IGF2BP3: variants seen among roughly 807,000 people sequenced by gnomAD.
IGF2BP3 encodes the protein insulin like growth factor 2 mRNA binding protein 3.
Under a neutral mutation model 73.8 loss-of-function variants are expected in IGF2BP3, and 9 were observed. The ratio of observed to expected loss-of-function variants is 0.12; its 90% CI spans 0.07 to 0.21. IGF2BP3 has a LOEUF of 0.21. Among genes scored for constraint, IGF2BP3 ranks in the 10% least tolerant of loss-of-function variants. The pLI, the probability that IGF2BP3 is intolerant of heterozygous loss-of-function variation, is 1.00. For synonymous variants in IGF2BP3, 258 were observed against 256.7 expected (o/e 1.01, Z -0.05); for missense variants, 542 against 714.0 (o/e 0.76, Z 2.75).
At position 23,428,401 on chromosome 7, in the gene IGF2BP3, G is replaced by C. The variant is rs374495033; in HGVS notation, c.237-9577C>G. 1.6e-4 allele frequency among the ~76,000 whole-genome samples: 24 copies of C among 152,070 alleles called. 1 individual carries two copies. The highest frequency in any genetic ancestry group is 9.8e-4 in the Admixed American group (15 of 15,252). ...GCAGGAGAATCGCTTGAACTCGGGA[G>C]GCGGAGGTTGTAGTGAGCTGAGATC... On this transcript the variant is annotated intron_variant, in intron 2 of 14. Transcript: ENST00000258729.
At chr7:23,411,112 T>A (rs192409787) in intron 3 of IGF2BP3, among the ~76,000 whole-genome samples, 142 of 152,254 alleles carry the variant, frequency 9.3e-4, no homozygotes, top group African/African-American at 3.2e-3. Flanking sequence ...AACTCCAAGC[T>A]GTCTGCTATA....
At chr7:23,426,482 G>C (rs1017029859) in intron 2 of IGF2BP3, among the ~76,000 whole-genome samples, 8 of 152,128 alleles carry the variant, frequency 5.3e-5, no homozygotes, top group Non-Finnish European at 1.0e-4. Context: ...TCAGTATTCA[G>C]ATAAGATCCA....
At chr7:23,368,326 GA>G (rs367956960) in intron 3 of IGF2BP3, among the ~76,000 whole-genome samples, 34 of 89,704 alleles carry the variant, frequency 3.8e-4, no homozygotes, top group African/African-American at 1.1e-3. Context: ...GAGAGAGAAA[GA>G]AAAGAAAGAA....
At chr7:23,378,122 T>TA (rs1298712011) in intron 3 of IGF2BP3, among the ~76,000 whole-genome samples, 1 of 152,118 alleles carries the variant, frequency 6.6e-6, no homozygotes, top group Non-Finnish European at 1.5e-5. Context: ...GTTCGATTTT[T>TA]AAAAAAATTA....
intron 7 of IGF2BP3, 41 bp from the exon 8 acceptor site, chr7:23,346,103 C>A: frequency 6.3e-7 from 1 of 1,580,026 alleles, no homozygotes; most frequent in Non-Finnish European, 8.6e-7. Flanking sequence ...AATAAGTAAA[C>A]CTATTCGTGG....
At chr7:23,314,193 T>C (rs1254355718) in intron 12 of IGF2BP3, among the ~76,000 whole-genome samples, 1 of 151,368 alleles carries the variant, frequency 6.6e-6, no homozygotes, top group Middle Eastern at 3.2e-3. Flanking sequence ...TATTTTTTTT[T>C]TTTTTTTGAG....
rs147526713 is a variant in IGF2BP3, at chr7:23,458,106, T to C, written c.236+10376A>G. On this transcript the variant is annotated intron_variant, in intron 2 of 14. Coordinates refer to ENST00000258729, the MANE Select transcript of IGF2BP3 (RefSeq NM_006547.3). Reference sequence around the variant, plus strand: ...CCATTGGAATGACTACTGGGTGACGTTGTATTCATCCTTTACACACATTGT... The same window carrying C: ...CCATTGGAATGACTACTGGGTGACGCTGTATTCATCCTTTACACACATTGT... Among the ~76,000 whole-genome samples, 266 of 152,310 alleles carry C rather than the reference T, an allele frequency of 1.7e-3. 1 individual carries two copies. Among genetic ancestry groups the C allele is most frequent in the African/African-American group, 5.8e-3 (243 of 41,560 alleles).
intron 11 of IGF2BP3, 94 bp from the exon 12 acceptor site, chr7:23,317,807 A>T: frequency 1.0e-6 from 1 of 1,002,146 alleles, no homozygotes; most frequent in South Asian, 1.3e-5. Context: ...TGACTGGCTG[A>T]AATGCAGAAT....
intron 10 of IGF2BP3, among the ~76,000 whole-genome samples, chr7:23,328,052 C>A (rs192146948): frequency 6.6e-6 from 1 of 152,134 alleles, no homozygotes; most frequent in Non-Finnish European, 1.5e-5. Flanking sequence ...GTCTCTTTGT[C>A]TCTCTAGACG....
At chr7:23,400,568 A>G (rs1001982049) in intron 3 of IGF2BP3, among the ~76,000 whole-genome samples, 6 of 152,222 alleles carry the variant, frequency 3.9e-5, no homozygotes, top group Non-Finnish European at 8.8e-5. Context: ...ATAAAAGCAC[A>G]TCCTTCAATC....
intron 2 of IGF2BP3, among the ~76,000 whole-genome samples, chr7:23,430,865 T>C (rs1408640105): frequency 6.6e-6 from 1 of 152,126 alleles, no homozygotes; most frequent in East Asian, 1.9e-4. Flanking sequence ...TGTCTGTAAA[T>C]AGGGAGAACT....
chr7:23,448,489 G>A (rs1169474655), intron 2 of IGF2BP3, among the ~76,000 whole-genome samples: 2 of 152,152 alleles, frequency 1.3e-5, no homozygotes, highest in East Asian at 3.8e-4. Context: ...GCTCACTGCA[G>A]CTCACTGGGC....
chr7:23,385,563 C>T (rs1786056445), intron 3 of IGF2BP3, among the ~76,000 whole-genome samples: 1 of 151,726 alleles, frequency 6.6e-6, no homozygotes, highest in Non-Finnish European at 1.5e-5. Context: ...ATGAAGTCAG[C>T]CAACCTAAAC....
chr7:23,364,807 G>C (rs1250254807), intron 3 of IGF2BP3, among the ~76,000 whole-genome samples: 5 of 152,048 alleles, frequency 3.3e-5, no homozygotes, highest in African/African-American at 1.2e-4. Flanking sequence ...AACTTGGATG[G>C]AGGTGGGGGT....
chr7:23,387,359 C>T (rs1055547434), intron 3 of IGF2BP3, among the ~76,000 whole-genome samples: 17 of 152,074 alleles, frequency 1.1e-4, no homozygotes, highest in African/African-American at 3.9e-4. Context: ...CACAGTCAGT[C>T]AAGAGAAGCC....
chr7:23,372,065 T>C (rs373733731), intron 3 of IGF2BP3, among the ~76,000 whole-genome samples: 2 of 152,102 alleles, frequency 1.3e-5, no homozygotes, highest in African/African-American at 2.4e-5. Flanking sequence ...TTTGGTTACA[T>C]GAATAAGTTT....
intron 6 of IGF2BP3, 170 bp from the exon 7 acceptor site, chr7:23,347,904 C>T: frequency 1.6e-6 from 1 of 620,356 alleles, no homozygotes; most frequent in Non-Finnish European, 2.7e-6. Flanking sequence ...CCTTAAGAGG[C>T]AAATTTTAAT....
intron 2 of IGF2BP3, among the ~76,000 whole-genome samples, chr7:23,425,729 C>T (rs969615984): frequency 2.6e-5 from 4 of 152,154 alleles, no homozygotes; most frequent in Non-Finnish European, 5.9e-5. Context: ...TCCCCCAACC[C>T]TCCTCCTCCC....
chr7:23,373,026 T>G (rs1027722218), intron 3 of IGF2BP3, among the ~76,000 whole-genome samples: 2 of 152,162 alleles, frequency 1.3e-5, no homozygotes, highest in Non-Finnish European at 2.9e-5. Flanking sequence ...CATTTCCCTA[T>G]GCAATTTAAA....
Sources: gnomAD v4.1 joint callset for allele counts (sites outside exome capture counted in the v4.1 genomes callset) on GRCh38, gnomAD v4.1.1 for gene constraint, MANE v1.5 for transcripts, NCBI Gene and HGNC (gene_info 2026-07-23, HGNC 2026-07-21) for gene names.